Variants in SRGAP1 observed in about 807,000 individuals in gnomAD.
SRGAP1 encodes the protein SLIT-ROBO Rho GTPase activating protein 1, also known as SLIT-ROBO Rho GTPase-activating protein 1.
In SRGAP1, 43 loss-of-function variants were observed where a neutral mutation model predicts 121.9. The observed-to-expected ratio is 0.35, with a 90% CI of 0.28 to 0.46. The LOEUF is 0.46. SRGAP1 is among the 20% of genes least tolerant of loss of function. The pLI, the probability that SRGAP1 is intolerant of heterozygous loss-of-function variation, is 1.00. For synonymous variants in SRGAP1, 447 were observed against 485.4 expected, an observed-to-expected ratio of 0.92 and a Z score of 1.04; for missense variants, 1,102 against 1,350.9, an observed-to-expected ratio of 0.82 and a Z score of 2.89.
chr12:64,086,949 C>T, intron 10 of SRGAP1, 50 bp from the exon 11 acceptor site: 3 of 1,427,318 alleles, frequency 2.1e-6, no homozygotes, highest in South Asian at 1.2e-5. Flanking sequence ...GTACCACATA[C>T]ACTCTGCTGA....
At chr12:63,970,284 A>C (rs1218693216) in intron 1 of SRGAP1, among the ~76,000 whole-genome samples, 2 of 152,210 alleles carry the variant, frequency 1.3e-5, no homozygotes, top group Non-Finnish European at 2.9e-5. Context: ...GAAGGAGGAC[A>C]GTATTTCTCC....
At chr12:63,961,269 C>T (rs925466222) in intron 1 of SRGAP1, among the ~76,000 whole-genome samples, 2 of 152,190 alleles carry the variant, frequency 1.3e-5, no homozygotes, top group Non-Finnish European at 2.9e-5. Flanking sequence ...AGTTGCAGCA[C>T]GCTCCATTGG....
At chr12:63,869,960 C>T (rs1048354451) in intron 1 of SRGAP1, among the ~76,000 whole-genome samples, 2 of 152,088 alleles carry the variant, frequency 1.3e-5, no homozygotes, top group African/African-American at 4.8e-5. Flanking sequence ...GTCTTTTTCC[C>T]AAGATCACAT....
intron 8 of SRGAP1, among the ~76,000 whole-genome samples, chr12:64,068,653 C>G (rs1041388068): frequency 6.6e-6 from 1 of 151,850 alleles, no homozygotes; most frequent in Non-Finnish European, 1.5e-5. Context: ...TTTGTTTGCT[C>G]TACAGTGCTT....
intron 4 of SRGAP1, chr12:64,032,337 C>T (rs74447608): frequency 0.011 from 3,660 of 337,438 alleles, 41 homozygotes; most frequent in Non-Finnish European, 0.017. Flanking sequence ...CCAGTGACCC[C>T]CTCCCACCTG....
At chr12:64,141,414 T>C (rs1235877012) in intron 21 of SRGAP1, among the ~76,000 whole-genome samples, 1 of 151,786 alleles carries the variant, frequency 6.6e-6, no homozygotes, top group Non-Finnish European at 1.5e-5. Flanking sequence ...ACCCCGTCTC[T>C]AGTAAAAATA....
At chr12:64,060,875 A>G (rs1474183775) in intron 6 of SRGAP1, among the ~76,000 whole-genome samples, 1 of 152,152 alleles carries the variant, frequency 6.6e-6, no homozygotes, top group Non-Finnish European at 1.5e-5. Flanking sequence ...TTTATTTACT[A>G]TGTTCCAATC....
At position 63,913,194 on chromosome 12, in the gene SRGAP1, C is replaced by CTTTTTTTT. The variant is rs759566545; in HGVS notation, c.67+68334_67+68341dup. ...GCAACCAATTTTCTGGTAAATCCTT[C>CTTTTTTTT]TTTTTTTTTTTTTTTTTTTTTTTTT... On this transcript the variant is annotated intron_variant, in intron 1 of 21. Transcript: ENST00000355086. Among the ~76,000 whole-genome samples, 6 of 59,010 alleles carry CTTTTTTTT rather than the reference C, an allele frequency of 1.0e-4. 1 individual carries two copies. The highest frequency in any genetic ancestry group is 2.6e-4 in the Admixed American group (1 of 3,866). 38.7% of individuals were successfully genotyped at this position (59,010 alleles called of 152,430 possible). A position where few individuals can be genotyped will look rare whatever the true frequency, so the allele number is the denominator to read the frequency against.
intron 1 of SRGAP1, among the ~76,000 whole-genome samples, chr12:63,949,096 T>TATTTTCCATATATATACATTCATATATGC (rs2032179761): frequency 7.0e-6 from 1 of 143,548 alleles, no homozygotes; most frequent in Non-Finnish European, 1.5e-5. Flanking sequence ...TCCATATATG[T>TATTTTCCATATATATACATTCATATATGC]ATTTTCCATA....
intron 6 of SRGAP1, 130 bp downstream of exon 6, chr12:64,043,705 T>G (rs531159696): frequency 5.9e-6 from 4 of 681,090 alleles, no homozygotes; most frequent in Non-Finnish European, 9.1e-6. Context: ...AAAAAAATAC[T>G]TTTATTTAAA....
intron 6 of SRGAP1, among the ~76,000 whole-genome samples, chr12:64,047,591 T>A (rs2035155441): frequency 1.3e-5 from 2 of 152,180 alleles, no homozygotes; most frequent in Non-Finnish European, 1.5e-5. Flanking sequence ...ATTCAAAGCA[T>A]TATAAAGAGT....
intron 1 of SRGAP1, among the ~76,000 whole-genome samples, chr12:63,888,882 CACA>C (rs1414212556): frequency 1.3e-5 from 2 of 152,190 alleles, no homozygotes; most frequent in African/African-American, 4.8e-5. Context: ...TGGGCCACAA[CACA>C]ACAAGAATAT....
intron 1 of SRGAP1, among the ~76,000 whole-genome samples, chr12:63,884,279 C>T (rs1436419475): frequency 2.0e-5 from 3 of 151,782 alleles, no homozygotes; most frequent in Admixed American, 2.0e-4. Flanking sequence ...AGTAAGACTC[C>T]GACTCAAAAA....
chr12:64,098,706 GC>G (rs1391755509), intron 15 of SRGAP1, among the ~76,000 whole-genome samples: 1 of 151,986 alleles, frequency 6.6e-6, no homozygotes, highest in Non-Finnish European at 1.5e-5. Context: ...TAACTCCATG[GC>G]ATGGCCAATT....
chr12:64,048,366 T>G (rs1254484662), intron 6 of SRGAP1, among the ~76,000 whole-genome samples: 1 of 152,186 alleles, frequency 6.6e-6, no homozygotes, highest in African/African-American at 2.4e-5. Context: ...AACTCCACTG[T>G]GTATATGTAC....
intron 6 of SRGAP1, among the ~76,000 whole-genome samples, chr12:64,046,569 G>A (rs151334723): frequency 0.011 from 1,743 of 152,222 alleles, 19 homozygotes; most frequent in Middle Eastern, 0.027. Flanking sequence ...TGAAAAAGAG[G>A]ATAGAAATGA....
At position 63,996,364 on chromosome 12, in the gene SRGAP1, G is replaced by A. The variant is rs527808932; in HGVS notation, c.426+6292G>A. Among the ~76,000 whole-genome samples, 4 of 152,034 alleles carry A rather than the reference G, an allele frequency of 2.6e-5. No homozygotes were observed. In the South Asian group the frequency reaches 8.3e-4, roughly 32 times the overall value. On this transcript the variant is annotated intron_variant, in intron 3 of 21. Coordinates refer to ENST00000355086, the MANE Select transcript of SRGAP1 (RefSeq NM_020762.4). ...CACATCTGGAAATAGGCTACCTCAT[G>A]ACTACATAGTACTTTACTATGTGCA...
intron 1 of SRGAP1, among the ~76,000 whole-genome samples, chr12:63,929,676 C>G (rs536541358): frequency 1.3e-4 from 20 of 151,440 alleles, no homozygotes; most frequent in Non-Finnish European, 2.8e-4. Context: ...GTGTAACAGG[C>G]GAACTGTATT....
chr12:63,882,986 TATCCAG>T (rs1178878786), intron 1 of SRGAP1, among the ~76,000 whole-genome samples: 1 of 152,222 alleles, frequency 6.6e-6, no homozygotes, highest in Non-Finnish European at 1.5e-5. Flanking sequence ...TATGAGGAGA[TATCCAG>T]TTACAGCTCA....
Sources: allele counts gnomAD v4.1 joint callset (sites outside exome capture counted in the v4.1 genomes callset), GRCh38; gene constraint gnomAD v4.1.1; transcripts MANE v1.5; gene names NCBI Gene and HGNC (gene_info 2026-07-23, HGNC 2026-07-21).